FGF14: variants seen among roughly 807,000 people sequenced by gnomAD.
FGF14 encodes fibroblast growth factor homologous factor 4.
A neutral mutation model predicts 25.5 loss-of-function variants in FGF14; 5 were observed. The ratio of observed to expected loss-of-function variants is 0.20; its 90% CI spans 0.10 to 0.41. The LOEUF is 0.41. FGF14 is among the 10% of genes least tolerant of loss of function. The pLI is 1.00. For synonymous variants in FGF14, 138 were observed against 118.3 expected (o/e 1.17, Z -1.08); for missense variants, 222 against 320.1 (o/e 0.69, Z 2.34).
At chr13:102,128,956 G>C (rs1365450576) in intron 1 of FGF14, among the ~76,000 whole-genome samples, 1 of 152,114 alleles carries the variant, frequency 6.6e-6, no homozygotes, top group East Asian at 1.9e-4. Flanking sequence ...TGTGGCAGGC[G>C]CCTGTAATCT....
At position 102,296,945 on chromosome 13, in the gene FGF14, A is replaced by T. The variant is rs187558827; in HGVS notation, c.208+104526T>A. 1.2e-4 allele frequency among the ~76,000 whole-genome samples: 18 copies of T among 152,248 alleles called. No individual in the cohort carries two copies. The East Asian group carries it at 2.7e-3, about 23-fold the overall frequency. On this transcript the variant is annotated intron_variant, in intron 1 of 4. Coordinates refer to the FGF14 transcript ENST00000376131. ...TCACCCCAGCATAAAAATCACACAAATATAGCAGAAGTTATCTTACCCATG... is the reference window on the plus strand; with the variant it reads ...TCACCCCAGCATAAAAATCACACAATTATAGCAGAAGTTATCTTACCCATG...
chr13:102,194,984 C>T (rs1470106036), intron 1 of FGF14, among the ~76,000 whole-genome samples: 1 of 151,920 alleles, frequency 6.6e-6, no homozygotes, highest in Non-Finnish European at 1.5e-5. Flanking sequence ...AAGAAAAATA[C>T]TGTCAAATAA....
intron 1 of FGF14, among the ~76,000 whole-genome samples, chr13:102,216,880 T>C (rs1175865472): frequency 6.6e-6 from 1 of 152,230 alleles, no homozygotes; most frequent in Non-Finnish European, 1.5e-5. Context: ...ACTTCTTAGA[T>C]TCCACATATG....
In FGF14 at chr13:102,042,609, T is replaced by C. The variant is rs905069648; in HGVS notation, c.209-167313A>G. ...TGAATGAATAAACAAGTGAATGCTG[T>C]GTCCAATATGTGTGAATGCCATGTA... is the stretch of plus-strand genomic sequence containing the variant. On this transcript the variant is annotated intron_variant, in intron 1 of 4. Transcript: ENST00000376131. Among the ~76,000 whole-genome samples, 44 of 152,154 alleles carry C rather than the reference T, an allele frequency of 2.9e-4. 1 individual carries two copies. Among genetic ancestry groups the C allele is most frequent in the South Asian group, 1.0e-3 (5 of 4,830 alleles).
intron 3 of FGF14, among the ~76,000 whole-genome samples, chr13:101,728,846 G>A (rs1034106019): frequency 6.6e-6 from 1 of 152,076 alleles, no homozygotes; most frequent in South Asian, 2.1e-4. Context: ...TCATCCTGTT[G>A]CTACAAACAC....
At chr13:102,288,961 T>C (rs1345190560) in intron 1 of FGF14, among the ~76,000 whole-genome samples, 1 of 152,168 alleles carries the variant, frequency 6.6e-6, no homozygotes, top group Non-Finnish European at 1.5e-5. Flanking sequence ...GTTTCTTTTT[T>C]TTTTTCAATT....
intron 3 of FGF14, among the ~76,000 whole-genome samples, chr13:101,788,152 G>T (rs999044855): frequency 6.6e-6 from 1 of 152,118 alleles, no homozygotes; most frequent in African/African-American, 2.4e-5. Flanking sequence ...GATGACAGGC[G>T]TGAGCCACCA....
chr13:102,235,721 C>T (rs948074423), intron 1 of FGF14, among the ~76,000 whole-genome samples: 1 of 152,114 alleles, frequency 6.6e-6, no homozygotes, highest in Non-Finnish European at 1.5e-5. Context: ...GATGCAAGAT[C>T]CCTGACTTTA....
chr13:102,126,059 G>A (rs1000416668), intron 1 of FGF14, among the ~76,000 whole-genome samples: 11 of 152,186 alleles, frequency 7.2e-5, no homozygotes, highest in South Asian at 4.1e-4. Context: ...AGCTAAAGAG[G>A]CCTTGGATCT....
intron 3 of FGF14, among the ~76,000 whole-genome samples, chr13:101,826,896 T>C (rs994871345): frequency 2.1e-4 from 32 of 152,090 alleles, no homozygotes; most frequent in African/African-American, 7.2e-4. Context: ...TCAAAATATT[T>C]AGCTTATGAA....
intron 1 of FGF14, among the ~76,000 whole-genome samples, chr13:102,224,401 G>A (rs938602513): frequency 6.6e-6 from 1 of 152,124 alleles, no homozygotes; most frequent in Non-Finnish European, 1.5e-5. Context: ...TCATTGTACT[G>A]TGTAAAACCG....
At chr13:102,134,688 C>T (rs2046334359) in intron 1 of FGF14, among the ~76,000 whole-genome samples, 1 of 152,054 alleles carries the variant, frequency 6.6e-6, no homozygotes, top group African/African-American at 2.4e-5. Context: ...TAATGACCAG[C>T]GTGTTCCTTA....
intron 1 of FGF14, among the ~76,000 whole-genome samples, chr13:102,325,631 T>C (rs777217092): frequency 2.0e-5 from 3 of 152,188 alleles, no homozygotes; most frequent in Non-Finnish European, 4.4e-5. Context: ...ATTTAAAATT[T>C]CAATTTGCAA....
intron 1 of FGF14, among the ~76,000 whole-genome samples, chr13:102,374,649 TA>T (rs2057987984): frequency 1.2e-3 from 4 of 3,286 alleles, no homozygotes; most frequent in African/African-American, 6.8e-3. Flanking sequence ...ATATTTTATA[TA>T]TATATATATA....
intron 2 of FGF14, among the ~76,000 whole-genome samples, chr13:101,871,247 T>C (rs1273228954): frequency 6.6e-6 from 1 of 152,174 alleles, no homozygotes; most frequent in Non-Finnish European, 1.5e-5. Context: ...ACTTTGTTCA[T>C]TCATGGAACA....
intron 1 of FGF14, among the ~76,000 whole-genome samples, chr13:102,083,062 C>A (rs1055310861): frequency 1.3e-5 from 2 of 152,252 alleles, no homozygotes; most frequent in East Asian, 3.8e-4. Flanking sequence ...GCTTCCACAA[C>A]CATCCGTCTA....
intron 1 of FGF14, among the ~76,000 whole-genome samples, chr13:102,349,612 C>T (rs1279835217): frequency 6.6e-6 from 1 of 152,168 alleles, no homozygotes; most frequent in Non-Finnish European, 1.5e-5. Context: ...AATAAAAATG[C>T]ATCTCTCCAG....
intron 1 of FGF14, among the ~76,000 whole-genome samples, chr13:102,234,945 G>A (rs1164280978): frequency 1.3e-5 from 2 of 152,130 alleles, no homozygotes; most frequent in Non-Finnish European, 2.9e-5. Flanking sequence ...GTTATTATCA[G>A]AGGAACATGA....
chr13:102,295,690 T>G (rs1478618703), intron 1 of FGF14, among the ~76,000 whole-genome samples: 2 of 152,056 alleles, frequency 1.3e-5, no homozygotes, highest in Non-Finnish European at 2.9e-5. Flanking sequence ...TCTCCAAAGG[T>G]TTTTTCACAG....
Sources: allele counts gnomAD v4.1 joint callset (sites outside exome capture counted in the v4.1 genomes callset), GRCh38; gene constraint gnomAD v4.1.1; transcripts MANE v1.5; gene names NCBI Gene and HGNC (gene_info 2026-07-23, HGNC 2026-07-21).